The following NRP2 variants were observed in gnomAD, a reference collection of about 807,000 sequenced individuals.
NRP2 encodes neuropilin 2.
In NRP2, 52 loss-of-function variants were observed where a neutral mutation model predicts 110.4. The ratio of observed to expected loss-of-function variants is 0.47; its 90% confidence interval spans 0.38 to 0.59. The LOEUF (loss-of-function observed/expected upper bound fraction) is 0.59, where lower values mean the gene tolerates loss of function less well. Among genes scored for constraint, NRP2 ranks in the 20% least tolerant of loss-of-function variants. NRP2 has a pLI of 0.00. For synonymous variants in NRP2, 508 were observed against 468.9 expected, an observed-to-expected ratio of 1.08 and a Z score of -1.08; for missense variants, 1,049 against 1,203.0, an observed-to-expected ratio of 0.87 and a Z score of 1.89.
chr2:205,699,167 C>G (rs1466039654), intron 2 of NRP2, among the ~76,000 whole-genome samples: 1 of 152,228 alleles, frequency 6.6e-6, no homozygotes, highest in Non-Finnish European at 1.5e-5. Context: ...CATAGGGAAA[C>G]TCATCAGTTC....
intron 15 of NRP2, among the ~76,000 whole-genome samples, chr2:205,786,108 T>C (rs1210108630): frequency 6.6e-6 from 1 of 152,186 alleles, no homozygotes; most frequent in Non-Finnish European, 1.5e-5. Context: ...TGGCAAAGTT[T>C]AGATCAACAC....
At chr2:205,773,855 C>T (rs549504937) in intron 15 of NRP2, among the ~76,000 whole-genome samples, 6 of 152,268 alleles carry the variant, frequency 3.9e-5, no homozygotes, top group African/African-American at 1.2e-4. Context: ...GTAGTTGTGA[C>T]CATGTTCTGC....
intron 15 of NRP2, among the ~76,000 whole-genome samples, chr2:205,769,184 T>C (rs2057976700): frequency 6.6e-6 from 1 of 152,206 alleles, no homozygotes; most frequent in African/African-American, 2.4e-5. Context: ...AGGCAAGGTA[T>C]GGAAAGTTGA....
At chr2:205,749,884 C>A in intron 11 of NRP2, 43 bp downstream of exon 11, 2 of 1,467,758 alleles carry the variant, frequency 1.4e-6, no homozygotes, top group South Asian at 1.1e-5. Context: ...GCGGACTAGT[C>A]AGAGTGGGAG....
intron 1 of NRP2, among the ~76,000 whole-genome samples, chr2:205,696,444 G>C (rs1264703424): frequency 6.6e-6 from 1 of 152,204 alleles, no homozygotes; most frequent in Non-Finnish European, 1.5e-5. Flanking sequence ...AGGTCTCCGA[G>C]AGGCTTCTGA....
chr2:205,702,555 A>G (rs2056582377), intron 2 of NRP2, among the ~76,000 whole-genome samples: 1 of 152,206 alleles, frequency 6.6e-6, no homozygotes, highest in Non-Finnish European at 1.5e-5. Context: ...TCCTAGATAA[A>G]CAAGGTGCTC....
At chr2:205,707,925 A>G (rs957870479) in intron 2 of NRP2, among the ~76,000 whole-genome samples, 4 of 152,224 alleles carry the variant, frequency 2.6e-5, no homozygotes, top group Non-Finnish European at 5.9e-5. Flanking sequence ...CCCACCGGGC[A>G]CAAAGGCATG....
chr2:205,699,080 C>T (rs948558619), intron 2 of NRP2, among the ~76,000 whole-genome samples: 4 of 152,196 alleles, frequency 2.6e-5, no homozygotes, highest in Non-Finnish European at 4.4e-5. Flanking sequence ...AAGGGTTTCC[C>T]GGATGAATGC....
intron 15 of NRP2, among the ~76,000 whole-genome samples, chr2:205,781,209 T>C (rs551716046): frequency 2.0e-5 from 3 of 152,326 alleles, no homozygotes; most frequent in Admixed American, 1.3e-4. Flanking sequence ...ATTTTAAGGG[T>C]ACTTACTCCC....
intron 16 of NRP2, among the ~76,000 whole-genome samples, chr2:205,793,926 G>T (rs531275060): frequency 1.4e-3 from 219 of 152,114 alleles, no homozygotes; most frequent in African/African-American, 4.9e-3. Flanking sequence ...ATATGGCCAG[G>T]AATACCAAAT....
chr2:205,769,110 C>T (rs1345539849), intron 15 of NRP2, among the ~76,000 whole-genome samples: 1 of 152,172 alleles, frequency 6.6e-6, no homozygotes, highest in African/African-American at 2.4e-5. Context: ...CAGGAGTCCT[C>T]TCTTGATCCG....
rs1409844950 is a variant in NRP2, at chr2:205,743,519, A to G, written c.1608A>G (p.Glu536=). 1.9e-6 allele frequency: 3 copies of G among 1,614,102 alleles called. No individual in the cohort carries two copies. Among genetic ancestry groups the G allele is most frequent in the African/African-American group, 2.7e-5 (2 of 74,932 alleles). The change falls in exon 9 of 17, where the codon GAA becomes GAG. Residue 536 remains glutamate (E), a synonymous_variant. Transcript: ENST00000357785. ...ACAGCCTAAACGGCAAGGACTGGGA[A>G]TACATTCAGGACCCCAGGACCCAGC... ...VSYSLNGKDW[E]YIQDPRTQQP...
intron 7 of NRP2, among the ~76,000 whole-genome samples, chr2:205,734,948 G>A (rs903604293): frequency 5.9e-5 from 9 of 152,152 alleles, no homozygotes; most frequent in Admixed American, 2.0e-4. Context: ...CACACCATAG[G>A]TAATGAAGAG....
At chr2:205,710,482 T>C (rs2056774388) in intron 2 of NRP2, among the ~76,000 whole-genome samples, 1 of 152,260 alleles carries the variant, frequency 6.6e-6, no homozygotes, top group Non-Finnish European at 1.5e-5. Flanking sequence ...TTTGCAGATA[T>C]ACCAGCTTTT....
intron 2 of NRP2, among the ~76,000 whole-genome samples, chr2:205,708,878 C>T (rs2056741141): frequency 6.6e-6 from 1 of 152,164 alleles, no homozygotes; most frequent in Admixed American, 6.5e-5. Flanking sequence ...CAAACAGCCA[C>T]TATTAAAAAG....
chr2:205,766,970 A>C (rs1008963492), intron 15 of NRP2, 167 bp downstream of exon 15: 1 of 661,088 alleles, frequency 1.5e-6, no homozygotes, highest in Non-Finnish European at 2.7e-6. Flanking sequence ...ACACCTGTAG[A>C]TGCGGGAAGG....
chr2:205,738,880 T>G (rs2057392072), intron 7 of NRP2, among the ~76,000 whole-genome samples: 1 of 152,182 alleles, frequency 6.6e-6, no homozygotes, highest in Non-Finnish European at 1.5e-5. Context: ...AAAATCTGCT[T>G]CCCTGTTTGT....
chr2:205,787,601 A>G (rs973502366), intron 15 of NRP2, among the ~76,000 whole-genome samples: 1 of 152,228 alleles, frequency 6.6e-6, no homozygotes, highest in African/African-American at 2.4e-5. Flanking sequence ...GCGAAGGCTG[A>G]GAATTTTCTG....
intron 15 of NRP2, among the ~76,000 whole-genome samples, chr2:205,780,821 G>A (rs2058165625): frequency 6.6e-6 from 1 of 152,174 alleles, no homozygotes; most frequent in Non-Finnish European, 1.5e-5. Flanking sequence ...CCGGTTTTTA[G>A]ATCTTACAGG....
Sources: allele counts gnomAD v4.1 joint callset (sites outside exome capture counted in the v4.1 genomes callset), GRCh38; gene constraint gnomAD v4.1.1; transcripts MANE v1.5; gene names NCBI Gene and HGNC (gene_info 2026-07-23, HGNC 2026-07-21).